AGAP1: variants seen among roughly 807,000 people sequenced by gnomAD.
AGAP1 encodes the protein ArfGAP with GTPase domain, ankyrin repeat and PH domain 1, also known as arf-GAP with GTPase, ANK repeat and PH domain-containing protein 1.
AGAP1 carries 29 observed loss-of-function variants against 105.3 expected under a neutral mutation model. The observed-to-expected ratio is 0.28, with a 90% confidence interval of 0.21 to 0.38. The LOEUF (loss-of-function observed/expected upper bound fraction) is 0.38, where lower values mean the gene tolerates loss of function less well. AGAP1 is among the 10% of genes least tolerant of loss of function. The probability of loss-of-function intolerance (pLI) is 1.00; values close to 1 mark genes in which losing one functional copy is unlikely to be tolerated. For synonymous variants in AGAP1, 509 were observed against 485.9 expected (o/e 1.05, Z -0.63); for missense variants, 998 against 1,165.1 (o/e 0.86, Z 2.09).
At chr2:235,583,193 G>A (rs1021049505) in intron 1 of AGAP1, among the ~76,000 whole-genome samples, 2 of 151,652 alleles carry the variant, frequency 1.3e-5, no homozygotes, top group African/African-American at 2.4e-5. Flanking sequence ...GTAAGAACCT[G>A]TTTTGTTTGC....
intron 13 of AGAP1, among the ~76,000 whole-genome samples, chr2:236,034,172 T>C (rs1407707664): frequency 6.6e-6 from 1 of 152,190 alleles, no homozygotes; most frequent in Admixed American, 6.5e-5. Context: ...ATCATAGTAC[T>C]AGGACTTAAA....
At chr2:235,746,137 A>C (rs1952911053) in intron 5 of AGAP1, among the ~76,000 whole-genome samples, 1 of 151,406 alleles carries the variant, frequency 6.6e-6, no homozygotes, top group African/African-American at 2.4e-5. Context: ...AAAAAATAAA[A>C]AGCCGGGCAT....
chr2:235,613,500 T>C (rs1330615382), intron 1 of AGAP1, among the ~76,000 whole-genome samples: 1 of 152,208 alleles, frequency 6.6e-6, no homozygotes, highest in Non-Finnish European at 1.5e-5. Flanking sequence ...GAGCAGAAAC[T>C]GTGGATTCAG....
At position 235,724,250 on chromosome 2, in the gene AGAP1, C is replaced by G. The variant is rs986599382; in HGVS notation, c.310+6606C>G. On this transcript the variant is annotated intron_variant, in intron 3 of 17. Coordinates refer to ENST00000304032, the MANE Select transcript of AGAP1 (RefSeq NM_001037131.3). This position sits in a 1 kb window ranked among gnomAD's most constrained non-coding sequence, Gnocchi z 4.9. ...GGCCAACAGCCAGCGAGCTCCTGGC[C>G]GGGAGCCTGGTAATGGGGATGGCTG... Among the ~76,000 whole-genome samples the G allele has an allele frequency of 4.6e-5, 7 of 152,216 alleles. No individual in the cohort carries two copies. The South Asian group carries it at 6.2e-4, about 13-fold the overall frequency.
At chr2:235,501,571 T>C (rs541343829) in intron 1 of AGAP1, among the ~76,000 whole-genome samples, 1 of 152,324 alleles carries the variant, frequency 6.6e-6, no homozygotes, top group East Asian at 1.9e-4. Context: ...AAACAAAACC[T>C]GCAGCCCTGT....
intron 9 of AGAP1, among the ~76,000 whole-genome samples, chr2:235,858,591 T>TA (rs896024450): frequency 6.5e-4 from 99 of 151,434 alleles, no homozygotes; most frequent in African/African-American, 2.0e-3. Context: ...TGAGAGATGA[T>TA]AAAAAAAAAT....
At chr2:236,112,512 C>T (rs1244371752) in intron 16 of AGAP1, among the ~76,000 whole-genome samples, 1 of 152,210 alleles carries the variant, frequency 6.6e-6, no homozygotes, top group African/African-American at 2.4e-5. Context: ...CTCCATCCCC[C>T]GTTCCCTCCC....
chr2:235,662,439 G>A lies in AGAP1; in HGVS notation c.164-46740G>A, dbSNP rs965158190. ...GGGGAGGACTCACAGCAGTTTTGAA[G>A]TAATGTAGATTGTGTGGCCATCCCA... is the stretch of plus-strand genomic sequence containing the variant. On this transcript the variant is annotated intron_variant, in intron 1 of 17. Coordinates refer to ENST00000304032, the MANE Select transcript of AGAP1 (RefSeq NM_001037131.3). This position sits in a 1 kb window ranked among gnomAD's most constrained non-coding sequence, Gnocchi z 4.2. Among the ~76,000 whole-genome samples the A allele has an allele frequency of 6.6e-6, 1 of 151,980 alleles. No individual in the cohort carries two copies. Among genetic ancestry groups the A allele is most frequent in the African/African-American group, 2.4e-5 (1 of 41,394 alleles).
chr2:235,814,687 G>A (rs1337654400), intron 9 of AGAP1, among the ~76,000 whole-genome samples: 1 of 152,172 alleles, frequency 6.6e-6, no homozygotes, highest in Non-Finnish European at 1.5e-5. Flanking sequence ...ACAGGAGAGG[G>A]TGAGGGAAGG....
chr2:235,979,764 A>T lies in AGAP1; in HGVS notation c.1645+11141A>T, dbSNP rs2055012204. 6.6e-6 allele frequency among the ~76,000 whole-genome samples: 1 copy of T among 152,208 alleles called. No individual in the cohort carries two copies. On this transcript the variant is annotated intron_variant, in intron 13 of 17. Coordinates refer to ENST00000304032, the MANE Select transcript of AGAP1 (RefSeq NM_001037131.3). The surrounding 1 kb of genome is among the most constrained non-coding windows in gnomAD (Gnocchi z 4.5). ...GGTAAAATCAATGACATTGTATCAG[A>T]GTTCATGAAAAGTGCCTACTGCACA...
At chr2:235,808,095 T>C (rs541443567) in intron 9 of AGAP1, among the ~76,000 whole-genome samples, 82 of 152,190 alleles carry the variant, frequency 5.4e-4, no homozygotes, top group Non-Finnish European at 8.8e-4. Flanking sequence ...TGGTTTGATT[T>C]CCAAGGAGAA....
intron 1 of AGAP1, among the ~76,000 whole-genome samples, chr2:235,518,076 C>T (rs557587957): frequency 1.0e-3 from 152 of 152,300 alleles, no homozygotes; most frequent in African/African-American, 3.4e-3. Flanking sequence ...GAAGGTGCAG[C>T]GCAGGGACCC....
intron 1 of AGAP1, among the ~76,000 whole-genome samples, chr2:235,644,512 G>A (rs1947308310): frequency 6.6e-6 from 1 of 152,106 alleles, no homozygotes; most frequent in Non-Finnish European, 1.5e-5. Context: ...CTGCTTGGGT[G>A]TAAATAGCTC....
intron 6 of AGAP1, among the ~76,000 whole-genome samples, chr2:235,796,448 A>G (rs934920017): frequency 1.1e-4 from 17 of 152,234 alleles, no homozygotes; most frequent in African/African-American, 4.1e-4. Context: ...AGGTTATGTG[A>G]TATCAATACA....
intron 1 of AGAP1, among the ~76,000 whole-genome samples, chr2:235,521,781 T>TGTGTGTG (rs1553558246): frequency 6.6e-6 from 1 of 151,780 alleles, no homozygotes; most frequent in African/African-American, 2.4e-5. Flanking sequence ...TGTGTGTGTG[T>TGTGTGTG]TGCTATTGAA....
intron 1 of AGAP1, among the ~76,000 whole-genome samples, chr2:235,575,540 T>C (rs1243587061): frequency 6.6e-6 from 1 of 152,142 alleles, no homozygotes; most frequent in Non-Finnish European, 1.5e-5. Context: ...GAATGATATC[T>C]TCAGATACCC....
chr2:235,507,514 A>C (rs1360905531), intron 1 of AGAP1: 1 of 152,164 alleles, frequency 6.6e-6, no homozygotes, highest in East Asian at 1.9e-4. Flanking sequence ...CATTTCCTGA[A>C]CCATCCTCCT....
chr2:235,737,120 C>A lies in AGAP1; in HGVS notation c.311-3843C>A, dbSNP rs1438952493. Among the ~76,000 whole-genome samples, 1 of 152,166 alleles carries A rather than the reference C, an allele frequency of 6.6e-6. No homozygotes were observed. Among genetic ancestry groups the A allele is most frequent in the African/African-American group, 2.4e-5 (1 of 41,430 alleles). On this transcript the variant is annotated intron_variant, in intron 3 of 17. Transcript: ENST00000304032. The surrounding 1 kb of genome is among the most constrained non-coding windows in gnomAD (Gnocchi z 4.5). ...ACCTGCTCCCATCAGTAGTGCCCTG[C>A]GGGACCTTTTGAAAATCTCCCCAGT...
At chr2:235,886,282 C>G (rs2050271767) in intron 10 of AGAP1, among the ~76,000 whole-genome samples, 2 of 152,322 alleles carry the variant, frequency 1.3e-5, no homozygotes, top group East Asian at 3.9e-4. Context: ...GACTCACTGA[C>G]CAGTAAAAAG....
Sources: allele counts gnomAD v4.1 joint callset (sites outside exome capture counted in the v4.1 genomes callset), GRCh38; gene constraint gnomAD v4.1.1; non-coding constraint Gnocchi (gnomAD v3.1); transcripts MANE v1.5; gene names NCBI Gene and HGNC (gene_info 2026-07-23, HGNC 2026-07-21).